EPS8: variants seen among roughly 807,000 people sequenced by gnomAD.
The protein encoded by EPS8 is EGFR pathway substrate 8, signaling adaptor.
In EPS8, 42 loss-of-function variants were observed where a neutral mutation model predicts 103.8. That is an observed-to-expected ratio of 0.40 (90% CI 0.32 to 0.52). The LOEUF is 0.52. Ranked by LOEUF, EPS8 falls within the 20% of genes least tolerant of loss-of-function variation. The pLI is 0.40. For synonymous variants in EPS8, 344 were observed against 344.6 expected (o/e 1.00, Z 0.02); for missense variants, 969 against 1,005.1 (o/e 0.96, Z 0.49).
Position 15,727,446 on chromosome 12 carries a change from C to G in EPS8, c.-21-44474G>C, listed in dbSNP as rs1290443977. ...TGTTTTATTTTAAACATAATTGAAA[C>G]ACTTTAATATTTCCTTTAATGTTGG... On this transcript the variant is annotated intron_variant, in intron 1 of 20. Transcript: ENST00000281172. The surrounding 1 kb of genome is among the most constrained non-coding windows in gnomAD (Gnocchi z 4.3). Among the ~76,000 whole-genome samples the G allele has an allele frequency of 2.0e-5, 3 of 152,142 alleles. No homozygotes were observed. Among genetic ancestry groups the G allele is most frequent in the Non-Finnish European group, 4.4e-5 (3 of 68,012 alleles).
chr12:15,687,900 T>C (rs1420108973), intron 1 of EPS8, among the ~76,000 whole-genome samples: 1 of 152,240 alleles, frequency 6.6e-6, no homozygotes, highest in Admixed American at 6.5e-5. Flanking sequence ...ATCACTTCTA[T>C]TTATTGAGTT....
At chr12:15,712,871 A>G in intron 1 of EPS8, 1 of 985,108 alleles carries the variant, frequency 1.0e-6, no homozygotes, top group Admixed American at 6.2e-5. Context: ...TTCAGGAAAT[A>G]CTCCTCTAAG....
At position 15,780,481 on chromosome 12, in the gene EPS8, AACACACACACACACACACACAC is replaced by A. The variant is rs10637427; in HGVS notation, c.-22+8658_-22+8679del. The A allele has an allele frequency of 8.5e-6, 1 of 117,472 alleles. No homozygotes were observed. Among genetic ancestry groups the A allele is most frequent in the African/African-American group, 3.1e-5 (1 of 32,258 alleles). The allele number at this position is 117,472 out of a possible 1,614,324, so 7.3% of individuals were successfully genotyped here. On this transcript the variant is annotated intron_variant, in intron 1 of 20. Transcript: ENST00000281172. The surrounding 1 kb of genome is among the most constrained non-coding windows in gnomAD (Gnocchi z 4.1). ...CTCCTTTCTGCTATGTGCTGGGATA[AACACACACACACACACACACAC>A]ACACACACACACACACACACACACA...
chr12:15,737,290 CT>C (rs1256009230), intron 1 of EPS8, among the ~76,000 whole-genome samples: 1 of 152,046 alleles, frequency 6.6e-6, no homozygotes, highest in Non-Finnish European at 1.5e-5. Flanking sequence ...AGTTCAAAGC[CT>C]AGACACTTTA....
In EPS8 at chr12:15,670,939, A is replaced by G. The variant is rs1442149346; in HGVS notation, c.137-16T>C. Reference sequence around the variant, plus strand: ...TTCCTTTGTTCTGAAAGAGAAATTGAAAAAGCCATGATTTGTCCCCTAATA... The same window carrying G: ...TTCCTTTGTTCTGAAAGAGAAATTGGAAAAGCCATGATTTGTCCCCTAATA... On this transcript the variant is annotated splice_polypyrimidine_tract_variant and intron_variant, in intron 3 of 20. Transcript: ENST00000281172. The G allele has an allele frequency of 6.2e-7, 1 of 1,605,966 alleles. No homozygotes were observed. The highest frequency in any genetic ancestry group is 8.5e-7 in the Non-Finnish European group (1 of 1,173,198).
chr12:15,622,188 C>T (rs56019997), intron 20 of EPS8, among the ~76,000 whole-genome samples: 9,536 of 152,192 alleles, frequency 0.063, 590 homozygotes, highest in African/African-American at 0.17. Context: ...TAATTATATA[C>T]TCTCAACAAA....
chr12:15,665,938 A>G, intron 7 of EPS8, 46 bp from the exon 8 acceptor site: 1 of 1,583,014 alleles, frequency 6.3e-7, no homozygotes, highest in Non-Finnish European at 8.6e-7. Flanking sequence ...CTCTATTTCT[A>G]TAACATATCA....
At chr12:15,723,272 C>A (rs1415845282) in intron 1 of EPS8, among the ~76,000 whole-genome samples, 1 of 152,174 alleles carries the variant, frequency 6.6e-6, no homozygotes, top group African/African-American at 2.4e-5. Context: ...GATTGTGCCA[C>A]TGCACTCCAG....
At chr12:15,679,684 A>T (rs1945970493) in intron 3 of EPS8, among the ~76,000 whole-genome samples, 1 of 152,202 alleles carries the variant, frequency 6.6e-6, no homozygotes, top group Admixed American at 6.5e-5. Flanking sequence ...CCTCCTACAC[A>T]CTACTATCTA....
intron 18 of EPS8, 136 bp downstream of exon 18, chr12:15,631,306 G>GA (rs1182486890): frequency 1.7e-5 from 22 of 1,264,158 alleles, no homozygotes; most frequent in Middle Eastern, 2.8e-4. Context: ...GAAACCAGGT[G>GA]AAAATCTTTG....
Position 15,673,450 on chromosome 12 carries a change from T to C in EPS8, c.137-2527A>G, listed in dbSNP as rs545524876. Among the ~76,000 whole-genome samples, 30 of 152,296 alleles carry C rather than the reference T, an allele frequency of 2.0e-4. No individual in the cohort carries two copies. In the South Asian group the frequency reaches 6.2e-3, roughly 32 times the overall value. ...ATTTCTTTTTTATGAGAATCACATG[T>C]ATTCACAAGAACTGGTATAAATAGT... On this transcript the variant is annotated intron_variant, in intron 3 of 20. Transcript: ENST00000281172.
At chr12:15,690,000 T>A (rs1946150585) in intron 1 of EPS8, among the ~76,000 whole-genome samples, 1 of 152,104 alleles carries the variant, frequency 6.6e-6, no homozygotes, top group Non-Finnish European at 1.5e-5. Flanking sequence ...TCATAAAACA[T>A]TACAGGTACA....
rs916425701 is a variant in EPS8 at position 15,777,831 on chromosome 12, G to A, written c.-22+11330C>T. Among the ~76,000 whole-genome samples, 4 of 152,198 alleles carry A rather than the reference G, an allele frequency of 2.6e-5. No homozygotes were observed. Among genetic ancestry groups the A allele is most frequent in the Admixed American group, 6.5e-5 (1 of 15,276 alleles). On this transcript the variant is annotated intron_variant, in intron 1 of 20. Coordinates refer to ENST00000281172, the MANE Select transcript of EPS8 (RefSeq NM_004447.6). The surrounding 1 kb of genome is among the most constrained non-coding windows in gnomAD (Gnocchi z 4.7). Reference sequence around the variant, plus strand: ...CCACATGGTTATTTATCTGCTTCAAGAGTTGTAAAAGACTATTTTCTTGAC... The same window carrying A: ...CCACATGGTTATTTATCTGCTTCAAAAGTTGTAAAAGACTATTTTCTTGAC...
rs1290311006 is a variant in EPS8, at chr12:15,712,941, C to CT, written c.-21-29970dup. Reference sequence around the variant, plus strand: ...TCAGTTTACTTATGTGCCAAGTGACCTTTGGCACAACGTCAGAAAGGGTGG... The same window carrying CT: ...TCAGTTTACTTATGTGCCAAGTGACCTTTTGGCACAACGTCAGAAAGGGTGG... On this transcript the variant is annotated intron_variant, in intron 1 of 20. Coordinates refer to ENST00000281172, the MANE Select transcript of EPS8 (RefSeq NM_004447.6). 3.0e-6 allele frequency: 3 copies of CT among 984,812 alleles called. No individual in the cohort carries two copies. The East Asian group carries it at 3.4e-4, about 112-fold the overall frequency. The allele number at this position is 984,812 out of a possible 1,614,324, so 61.0% of individuals were successfully genotyped here.
intron 3 of EPS8, among the ~76,000 whole-genome samples, chr12:15,671,547 G>T (rs986701033): frequency 6.6e-6 from 1 of 152,014 alleles, no homozygotes; most frequent in Non-Finnish European, 1.5e-5. Flanking sequence ...AAGAAAGTCA[G>T]GTAGAAAGTT....
intron 18 of EPS8, among the ~76,000 whole-genome samples, chr12:15,628,685 G>T (rs1042081523): frequency 6.6e-6 from 1 of 152,222 alleles, no homozygotes; most frequent in Non-Finnish European, 1.5e-5. Flanking sequence ...CTTGCCACTT[G>T]CTACGTTGTA....
chr12:15,700,547 A>G lies in EPS8; in HGVS notation c.-21-17575T>C, dbSNP rs1411977486. Reference sequence around the variant, plus strand: ...TTTAGAAGTATAGAATTAAATTGAAAATTTAAAAAGAAATTTATTCCACAG... The same window carrying G: ...TTTAGAAGTATAGAATTAAATTGAAGATTTAAAAAGAAATTTATTCCACAG... On this transcript the variant is annotated intron_variant, in intron 1 of 20. Transcript: ENST00000281172. The surrounding 1 kb of genome is among the most constrained non-coding windows in gnomAD (Gnocchi z 5.1). Among the ~76,000 whole-genome samples the G allele has an allele frequency of 1.3e-5, 2 of 152,212 alleles. No homozygotes were observed. The highest frequency in any genetic ancestry group is 4.8e-5 in the African/African-American group (2 of 41,430).
In EPS8 at chr12:15,620,264, AT is replaced by A. The variant is rs1464108215; in HGVS notation, c.*1052del. On this transcript the variant is annotated 3_prime_UTR_variant, in exon 21 of 21. Transcript: ENST00000281172. ...TCTAGATAATTTCTCTAAATGATTT[AT>A]GTTAAAATATACAACATTCTTACAT... is the stretch of plus-strand genomic sequence containing the variant. 1 of 152,670 alleles carries A rather than the reference AT, an allele frequency of 6.6e-6. No individual in the cohort carries two copies. The highest frequency in any genetic ancestry group is 1.5e-5 in the Non-Finnish European group (1 of 68,032). 9.5% of individuals were successfully genotyped at this position (152,670 alleles called of 1,614,324 possible).
chr12:15,770,255 CT>C (rs1473177686), intron 1 of EPS8, among the ~76,000 whole-genome samples: 2 of 133,808 alleles, frequency 1.5e-5, no homozygotes, highest in Admixed American at 1.7e-4. Context: ...CACCACTGCA[CT>C]CCAGCCTGCA....
Sources: allele counts gnomAD v4.1 joint callset (sites outside exome capture counted in the v4.1 genomes callset), GRCh38; gene constraint gnomAD v4.1.1; non-coding constraint Gnocchi (gnomAD v3.1); transcripts MANE v1.5; gene names NCBI Gene and HGNC (gene_info 2026-07-23, HGNC 2026-07-21).